Variants in AMBRA1 observed in about 807,000 individuals in gnomAD.
AMBRA1 encodes the protein activating molecule in BECN1-regulated autophagy protein 1.
In AMBRA1, 47 loss-of-function variants were observed where a neutral mutation model predicts 125.4. The observed-to-expected ratio is 0.37, with a 90% CI of 0.30 to 0.48. The LOEUF is 0.48. Among genes scored for constraint, AMBRA1 ranks in the 20% least tolerant of loss-of-function variants. AMBRA1 has a pLI of 0.99. For synonymous variants in AMBRA1, 626 were observed against 655.5 expected (o/e 0.95, Z 0.69); for missense variants, 1,331 against 1,693.4 (o/e 0.79, Z 3.76).
chr11:46,426,129 C>T (rs1053956544), intron 14 of AMBRA1, among the ~76,000 whole-genome samples: 1 of 151,438 alleles, frequency 6.6e-6, no homozygotes, highest in African/African-American at 2.4e-5. Flanking sequence ...TCCCTATTTT[C>T]AGGATTATCT....
chr11:46,561,546 G>C (rs544589513), intron 1 of AMBRA1, among the ~76,000 whole-genome samples: 1 of 152,304 alleles, frequency 6.6e-6, no homozygotes, highest in African/African-American at 2.4e-5. Context: ...GATGAGTCTG[G>C]AGCCAAAGCA....
intron 14 of AMBRA1, among the ~76,000 whole-genome samples, chr11:46,424,541 T>C (rs1947019570): frequency 6.6e-6 from 1 of 152,242 alleles, no homozygotes. Flanking sequence ...ACTCACGGCT[T>C]CTGGAATTCC....
chr11:46,454,000 G>T (rs776456127), intron 11 of AMBRA1, among the ~76,000 whole-genome samples: 1 of 152,020 alleles, frequency 6.6e-6, no homozygotes, highest in African/African-American at 2.4e-5. Flanking sequence ...ACTCCTAAAG[G>T]CTCCAAAGAA....
chr11:46,526,734 C>A (rs1217232578), intron 7 of AMBRA1, among the ~76,000 whole-genome samples: 2 of 149,768 alleles, frequency 1.3e-5, no homozygotes. Flanking sequence ...CCCACACACA[C>A]AAAAAAAAAC....
At chr11:46,478,672 G>C (rs1329454249) in intron 11 of AMBRA1, among the ~76,000 whole-genome samples, 1 of 15,140 alleles carries the variant, frequency 6.6e-5, no homozygotes, top group African/African-American at 2.1e-4. Flanking sequence ...TTTTTTTTTG[G>C]AGATGGAGTT....
At chr11:46,575,621 ATTC>A (rs1249537983) in intron 1 of AMBRA1, among the ~76,000 whole-genome samples, 3 of 149,446 alleles carry the variant, frequency 2.0e-5, no homozygotes, top group African/African-American at 4.9e-5. Flanking sequence ...GGTTCAAGCA[ATTC>A]TTCTGCCTCA....
chr11:46,544,430 T>C (rs192355981), intron 5 of AMBRA1, among the ~76,000 whole-genome samples: 6 of 152,306 alleles, frequency 3.9e-5, no homozygotes, highest in South Asian at 4.1e-4. Context: ...AGCATGAATC[T>C]TGGTGGCAAT....
intron 14 of AMBRA1, among the ~76,000 whole-genome samples, chr11:46,432,527 GTTTT>G (rs1046966093): frequency 5.3e-5 from 8 of 152,094 alleles, no homozygotes; most frequent in Admixed American, 5.2e-4. Flanking sequence ...GCTATCTCTA[GTTTT>G]TTTATTTAAA....
At chr11:46,566,765 T>A (rs565491346) in intron 1 of AMBRA1, among the ~76,000 whole-genome samples, 35 of 152,340 alleles carry the variant, frequency 2.3e-4, no homozygotes, top group African/African-American at 8.4e-4. Context: ...TGCCTTTAAC[T>A]GCCCTTGGTC....
At chr11:46,472,291 C>T (rs1949629677) in intron 11 of AMBRA1, among the ~76,000 whole-genome samples, 1 of 152,228 alleles carries the variant, frequency 6.6e-6, no homozygotes, top group Non-Finnish European at 1.5e-5. Context: ...CCACCTGAGC[C>T]TGTCTCTTAG....
chr11:46,477,069 C>T (rs1213703562), intron 11 of AMBRA1, among the ~76,000 whole-genome samples: 1 of 151,018 alleles, frequency 6.6e-6, no homozygotes, highest in African/African-American at 2.4e-5. Flanking sequence ...CGAGATTGCG[C>T]CACTGCACTC....
Position 46,565,394 on chromosome 11 carries a change from A to G in AMBRA1, c.-120-16894T>C, listed in dbSNP as rs1240272009. On this transcript the variant is annotated intron_variant, in intron 1 of 17. Transcript: ENST00000683756. ...GCTTGGGCATTTATCCAGAAAAATG[A>G]TAACTTATGTTCAGACAAAAACTTG... 2.0e-5 allele frequency among the ~76,000 whole-genome samples: 3 copies of G among 152,148 alleles called. No individual in the cohort carries two copies. In the East Asian group the frequency reaches 5.8e-4, roughly 29 times the overall value.
At chr11:46,402,675 G>A (rs1008722320) in intron 17 of AMBRA1, among the ~76,000 whole-genome samples, 5 of 152,170 alleles carry the variant, frequency 3.3e-5, no homozygotes, top group Admixed American at 2.6e-4. Context: ...TACATGTCTA[G>A]TTCTCTCTGG....
intron 1 of AMBRA1, among the ~76,000 whole-genome samples, chr11:46,569,792 T>C (rs1280790337): frequency 6.6e-6 from 1 of 150,782 alleles, no homozygotes; most frequent in Non-Finnish European, 1.5e-5. Context: ...AGAAATCCCA[T>C]CTCTACTAAA....
chr11:46,531,203 T>A (rs554454008), intron 7 of AMBRA1, among the ~76,000 whole-genome samples: 3 of 152,186 alleles, frequency 2.0e-5, no homozygotes, highest in South Asian at 4.2e-4. Flanking sequence ...CATTTAGATA[T>A]TGTTTGTGAT....
At chr11:46,417,862 C>T in intron 15 of AMBRA1, 51 bp downstream of exon 15, 3 of 1,545,322 alleles carry the variant, frequency 1.9e-6, no homozygotes, top group South Asian at 1.2e-5. Context: ...ACTGATTACC[C>T]CAGTCCTCGG....
intron 16 of AMBRA1, among the ~76,000 whole-genome samples, chr11:46,409,463 G>A (rs1447802879): frequency 2.6e-5 from 4 of 152,338 alleles, no homozygotes; most frequent in African/African-American, 7.2e-5. Context: ...CTCCCAAAGT[G>A]CTGGGATTAC....
At chr11:46,441,497 G>C (rs1437466613) in intron 12 of AMBRA1, among the ~76,000 whole-genome samples, 1 of 151,924 alleles carries the variant, frequency 6.6e-6, no homozygotes, top group African/African-American at 2.4e-5. Context: ...CCTGGTGACA[G>C]AGCAAGACTC....
chr11:46,425,794 G>A (rs905454834), intron 14 of AMBRA1, among the ~76,000 whole-genome samples: 1 of 151,078 alleles, frequency 6.6e-6, no homozygotes, highest in African/African-American at 2.4e-5. Flanking sequence ...AGCCGAGATC[G>A]TGCCACTGCA....
Sources: allele counts gnomAD v4.1 joint callset (sites outside exome capture counted in the v4.1 genomes callset), GRCh38; gene constraint gnomAD v4.1.1; transcripts MANE v1.5; gene names NCBI Gene and HGNC (gene_info 2026-07-23, HGNC 2026-07-21).